Variants in KCNQ1OT1 observed in about 807,000 individuals in gnomAD.
The protein encoded by KCNQ1OT1 is KCNQ1 antisense RNA 2 (non-protein coding).
exon 1 of KCNQ1OT1, chr11:2,633,300 T>C (rs1564839760): frequency 5.0e-6 from 2 of 398,552 alleles, no homozygotes; most frequent in Non-Finnish European, 8.8e-6. Context: ...CCTTGTCAGA[T>C]GAATATTTTC....
chr11:2,667,271 G>A (rs1232477500), exon 1 of KCNQ1OT1: 1 of 398,506 alleles, frequency 2.5e-6, no homozygotes, highest in Non-Finnish European at 4.4e-6. Context: ...GGCTGGCCTA[G>A]GGCTGCTGCT....
rs113528508 is a variant in KCNQ1OT1, at chr11:2,658,139, A to G, written n.41856T>C. 0.017 allele frequency: 6,677 copies of G among 398,572 alleles called. 118 individuals are homozygous for G. The highest frequency in any genetic ancestry group is 0.018 in the Non-Finnish European group (4,040 of 226,030). 24.7% of individuals were successfully genotyped at this position (398,572 alleles called of 1,614,324 possible). A position where few individuals can be genotyped will look rare whatever the true frequency, so the allele number is the denominator to read the frequency against. ...AAAAATCTGCAAATATGTTAAAACT[A>G]CCACAGCAATTAAAATACATTTCAA... On this transcript the variant is annotated non_coding_transcript_exon_variant, in exon 1 of 1. Coordinates refer to ENST00000597346, the Ensembl canonical transcript of KCNQ1OT1. This position sits in a 1 kb window ranked among gnomAD's most constrained non-coding sequence, Gnocchi z 4.9.
exon 1 of KCNQ1OT1, chr11:2,616,707 C>T (rs779598414): frequency 2.5e-6 from 1 of 398,066 alleles, no homozygotes; most frequent in Non-Finnish European, 4.4e-6. Context: ...GGTTTTTCTT[C>T]TGTTACAGAT....
At chr11:2,614,157 A>C (rs1214534695) in exon 1 of KCNQ1OT1, 1 of 398,320 alleles carries the variant, frequency 2.5e-6, no homozygotes, top group Non-Finnish European at 4.4e-6. Flanking sequence ...CTACTCCATA[A>C]ATCGAATCTA....
chr11:2,664,928 G>A lies in KCNQ1OT1; in HGVS notation n.35067C>T. The A allele has an allele frequency of 2.5e-6, 1 of 398,568 alleles. No homozygotes were observed. The highest frequency in any genetic ancestry group is 4.4e-6 in the Non-Finnish European group (1 of 226,072). The allele number at this position is 398,568 out of a possible 1,614,324, so 24.7% of individuals were successfully genotyped here. A position where few individuals can be genotyped will look rare whatever the true frequency, so the allele number is the denominator to read the frequency against. On this transcript the variant is annotated non_coding_transcript_exon_variant, in exon 1 of 1. Coordinates refer to ENST00000597346, the Ensembl canonical transcript of KCNQ1OT1. The surrounding 1 kb of genome is among the most constrained non-coding windows in gnomAD (Gnocchi z 5.1). The stretch of plus-strand genomic sequence containing the variant: ...ATCTCGAGCTCTCCCCGCCCGCAGG[G>A]CCCCAGAGAGGTGAGGTCACTATAG...
chr11:2,666,079 C>A lies in KCNQ1OT1; in HGVS notation n.33916G>T. 7.5e-6 allele frequency: 3 copies of A among 398,674 alleles called. No homozygotes were observed. In the East Asian group the frequency reaches 1.1e-4, roughly 14 times the overall value. The allele number at this position is 398,674 out of a possible 1,614,324, so 24.7% of individuals were successfully genotyped here. A position where few individuals can be genotyped will look rare whatever the true frequency, so the allele number is the denominator to read the frequency against. ...AGGACAGGCCCATAAGCCCTGCAGC[C>A]TATGGCTCTGCCCAGCCCAGTCATG... On this transcript the variant is annotated non_coding_transcript_exon_variant, in exon 1 of 1. Coordinates refer to ENST00000597346, the Ensembl canonical transcript of KCNQ1OT1.
At chr11:2,609,434 C>G (rs1284213396) in exon 1 of KCNQ1OT1, 2 of 398,268 alleles carry the variant, frequency 5.0e-6, no homozygotes, top group African/African-American at 4.1e-5. Context: ...TGTTTCGTGA[C>G]TTAGCATATG....
Position 2,627,734 on chromosome 11 carries a change from TAC to T in KCNQ1OT1, n.72259_72260del, listed in dbSNP as rs368697384. The stretch of plus-strand genomic sequence containing the variant: ...ATGTGTTTATTTGGGAATTTGGTGA[TAC>T]ACACACACACACTATTTTCTTCCTT... On this transcript the variant is annotated non_coding_transcript_exon_variant, in exon 1 of 1. Coordinates refer to ENST00000597346, the Ensembl canonical transcript of KCNQ1OT1. This position sits in a 1 kb window ranked among gnomAD's most constrained non-coding sequence, Gnocchi z 4.9. The T allele has an allele frequency of 3.3e-5, 13 of 396,886 alleles. No individual in the cohort carries two copies. Among genetic ancestry groups the T allele is most frequent in the South Asian group, 2.6e-4 (2 of 7,784 alleles). The allele number at this position is 396,886 out of a possible 1,614,324, so 24.6% of individuals were successfully genotyped here.
exon 1 of KCNQ1OT1, chr11:2,665,159 C>T: frequency 2.5e-6 from 1 of 398,712 alleles, no homozygotes; most frequent in Non-Finnish European, 4.4e-6. Flanking sequence ...GGACCCTCAA[C>T]CAGCTCTGGG....
Position 2,622,261 on chromosome 11 carries a change from C to T in KCNQ1OT1, n.77734G>A, listed in dbSNP as rs1272275459. ...TTTGGTGTGTATACGTTTCCAATTGCGAAGTCTTGAGTAATTTTCCATTTT... is the reference window on the plus strand; with the variant it reads ...TTTGGTGTGTATACGTTTCCAATTGTGAAGTCTTGAGTAATTTTCCATTTT... On this transcript the variant is annotated non_coding_transcript_exon_variant, in exon 1 of 1. Transcript: ENST00000597346. 21 of 398,160 alleles carry T rather than the reference C, an allele frequency of 5.3e-5. No individual in the cohort carries two copies. The Middle Eastern group carries it at 2.5e-3, about 47-fold the overall frequency. 24.7% of individuals were successfully genotyped at this position (398,160 alleles called of 1,614,324 possible).
chr11:2,689,467 C>T (rs1305772148), exon 1 of KCNQ1OT1: 3 of 398,572 alleles, frequency 7.5e-6, no homozygotes, highest in Non-Finnish European at 1.3e-5. Context: ...GAGACCTCTG[C>T]TCTGCCTACC....
exon 1 of KCNQ1OT1, chr11:2,675,769 G>C: frequency 2.5e-6 from 1 of 398,720 alleles, no homozygotes; most frequent in South Asian, 1.3e-4. Flanking sequence ...ACAGCACTGT[G>C]TGCGGGGAGC....
exon 1 of KCNQ1OT1, chr11:2,609,765 A>G (rs750052366): frequency 2.4e-4 from 95 of 398,156 alleles, no homozygotes; most frequent in South Asian, 5.1e-4. Flanking sequence ...TTTTATCATT[A>G]TGAGATATTC....
chr11:2,694,057 G>A (rs911856982), exon 1 of KCNQ1OT1: 17 of 398,538 alleles, frequency 4.3e-5, no homozygotes, highest in East Asian at 3.9e-4. Context: ...GCTGAGGGAC[G>A]GCAGCTGACA....
At chr11:2,680,643 G>A (rs1410024467) in exon 1 of KCNQ1OT1, 4 of 398,376 alleles carry the variant, frequency 1.0e-5, no homozygotes, top group Non-Finnish European at 1.8e-5. Context: ...CCAGGATATT[G>A]CATTGATAGT....
At chr11:2,672,745 T>C (rs2133870192) in exon 1 of KCNQ1OT1, 1 of 398,872 alleles carries the variant, frequency 2.5e-6, no homozygotes, top group Non-Finnish European at 4.4e-6. Flanking sequence ...CTATGCTTTT[T>C]TGCTGGTCCA....
At position 2,621,412 on chromosome 11, in the gene KCNQ1OT1, T is replaced by C. The variant is rs1849170139; in HGVS notation, n.78583A>G. 3 of 398,674 alleles carry C rather than the reference T, an allele frequency of 7.5e-6. No individual in the cohort carries two copies. Among genetic ancestry groups the C allele is most frequent in the Non-Finnish European group, 1.3e-5 (3 of 226,074 alleles). 24.7% of individuals were successfully genotyped at this position (398,674 alleles called of 1,614,324 possible). On this transcript the variant is annotated non_coding_transcript_exon_variant, in exon 1 of 1. Transcript: ENST00000597346. The surrounding 1 kb of genome is among the most constrained non-coding windows in gnomAD (Gnocchi z 5.7). Reference sequence around the variant, plus strand: ...GGATTATTCGTTTTTTGCTTGTTGATTGGTTTAAGTTCCTTATGGATTCTG... The same window carrying C: ...GGATTATTCGTTTTTTGCTTGTTGACTGGTTTAAGTTCCTTATGGATTCTG...
chr11:2,670,036 A>C lies in KCNQ1OT1; in HGVS notation n.29959T>G. ...TGGGGTCCCGTGGAGGTACAGGCGG[A>C]AACCTAGCACTCACTATTCTGCTCT... On this transcript the variant is annotated non_coding_transcript_exon_variant, in exon 1 of 1. Transcript: ENST00000597346. The surrounding 1 kb of genome is among the most constrained non-coding windows in gnomAD (Gnocchi z 4.9). 1 of 398,646 alleles carries C rather than the reference A, an allele frequency of 2.5e-6. No individual in the cohort carries two copies. Among genetic ancestry groups the C allele is most frequent in the Non-Finnish European group, 4.4e-6 (1 of 226,092 alleles). The allele number at this position is 398,646 out of a possible 1,614,324, so 24.7% of individuals were successfully genotyped here.
exon 1 of KCNQ1OT1, chr11:2,638,302 G>C (rs1317339264): frequency 6.6e-6 from 1 of 152,212 alleles, no homozygotes; most frequent in Non-Finnish European, 1.5e-5. Context: ...TGTTTTTGCA[G>C]TGGCTGGTAC....
Sources: allele counts gnomAD v4.1 joint callset, GRCh38; gene constraint gnomAD v4.1.1; non-coding constraint Gnocchi (gnomAD v3.1); transcripts MANE v1.5; gene names NCBI Gene and HGNC (gene_info 2026-07-23, HGNC 2026-07-21).